The following PLCL1 variants were observed in gnomAD, a reference collection of about 807,000 sequenced individuals.
PLCL1 encodes phospholipase C like 1 (inactive), also known as inactive phospholipase C-like protein 1.
In PLCL1, 41 loss-of-function variants were observed where a neutral mutation model predicts 84.4. The observed-to-expected ratio is 0.49, with a 90% CI of 0.38 to 0.63. The LOEUF (loss-of-function observed/expected upper bound fraction) is 0.63. Among genes scored for constraint, PLCL1 ranks in the 30% least tolerant of loss-of-function variants. The probability of loss-of-function intolerance (pLI) is 0.00; values close to 1 mark genes in which losing one functional copy is unlikely to be tolerated. For missense variants in PLCL1, 1,206 were observed against 1,367.8 expected, an observed-to-expected ratio of 0.88 and a Z score of 1.87; for synonymous variants, 490 against 488.3, an observed-to-expected ratio of 1.00 and a Z score of -0.05.
chr2:198,113,030 G>A (rs556121564), intron 5 of PLCL1, among the ~76,000 whole-genome samples: 3 of 152,026 alleles, frequency 2.0e-5, no homozygotes, highest in African/African-American at 7.2e-5. Flanking sequence ...CTTATAAAGT[G>A]TAGAGTATAC....
intron 1 of PLCL1, among the ~76,000 whole-genome samples, chr2:198,044,865 A>G (rs1403830092): frequency 6.6e-6 from 1 of 152,148 alleles, no homozygotes; most frequent in African/African-American, 2.4e-5. Context: ...ATTGACTTTT[A>G]ATTCTGGTTT....
chr2:197,908,326 T>C (rs1688421604), intron 1 of PLCL1, among the ~76,000 whole-genome samples: 1 of 152,234 alleles, frequency 6.6e-6, no homozygotes, highest in South Asian at 2.1e-4. Context: ...TGCCAGGTGC[T>C]TAACTTTCGC....
intron 1 of PLCL1, among the ~76,000 whole-genome samples, chr2:197,925,786 AAACCTTCC>A (rs1353680295): frequency 7.6e-6 from 1 of 131,078 alleles, no homozygotes; most frequent in Non-Finnish European, 1.6e-5. Flanking sequence ...GCCTCCTGCC[AAACCTTCC>A]CACACCTTTG....
At chr2:198,108,903 G>C (rs1457429689) in intron 5 of PLCL1, among the ~76,000 whole-genome samples, 1 of 151,618 alleles carries the variant, frequency 6.6e-6, no homozygotes, top group Admixed American at 6.6e-5. Context: ...TTTCACTATT[G>C]TACATGAAAT....
intron 1 of PLCL1, among the ~76,000 whole-genome samples, chr2:197,991,189 T>C (rs545984902): frequency 6.6e-6 from 1 of 152,228 alleles, no homozygotes; most frequent in East Asian, 1.9e-4. Context: ...AACTCACCCT[T>C]TCGCTTCGTG....
intron 1 of PLCL1, among the ~76,000 whole-genome samples, chr2:197,833,366 TAGAA>T (rs1374201259): frequency 6.6e-6 from 1 of 152,160 alleles, no homozygotes; most frequent in African/African-American, 2.4e-5. Context: ...GATATTCAAA[TAGAA>T]AGACAGGACA....
In PLCL1 at chr2:197,924,881, A is replaced by T. The variant is rs573647860; in HGVS notation, c.240+119542A>T. ...ATTTAGGGTTTCCATAATATTTGAG[A>T]ATAATCTAGAACTGATCATAGAATA... On this transcript the variant is annotated intron_variant, in intron 1 of 5. Coordinates refer to ENST00000428675, the MANE Select transcript of PLCL1 (RefSeq NM_006226.4). Among the ~76,000 whole-genome samples, 6 of 152,284 alleles carry T rather than the reference A, an allele frequency of 3.9e-5. No homozygotes were observed. In the East Asian group the frequency reaches 7.7e-4, roughly 20 times the overall value.
chr2:197,901,848 C>T (rs1688274516), intron 1 of PLCL1, among the ~76,000 whole-genome samples: 2 of 152,172 alleles, frequency 1.3e-5, no homozygotes, highest in Middle Eastern at 6.8e-3. Context: ...CAGCTTGATA[C>T]AAAAAACTAG....
intron 4 of PLCL1, among the ~76,000 whole-genome samples, chr2:198,103,540 A>AT (rs908664105): frequency 3.3e-5 from 5 of 151,774 alleles, no homozygotes; most frequent in East Asian, 1.9e-4. Context: ...CATTCTTCCT[A>AT]TTTTTTTGTA....
chr2:197,827,782 G>A lies in PLCL1; in HGVS notation c.240+22443G>A, dbSNP rs79106145. 4.7e-3 allele frequency among the ~76,000 whole-genome samples: 714 copies of A among 152,134 alleles called. 20 individuals are homozygous for A. The highest frequency in any genetic ancestry group is 0.037 in the Admixed American group (572 of 15,254). On this transcript the variant is annotated intron_variant, in intron 1 of 5. Transcript: ENST00000428675. ...CATTGTTTTCCAAAGTCCCCCAAAT[G>A]GTCATAGCACTGTTGTTAAGTGTTC...
At chr2:197,816,798 A>T (rs1239411322) in intron 1 of PLCL1, among the ~76,000 whole-genome samples, 1 of 152,182 alleles carries the variant, frequency 6.6e-6, no homozygotes, top group Admixed American at 6.5e-5. Flanking sequence ...GCTTTGAGGC[A>T]GATATAGTGC....
At chr2:197,810,331 C>T (rs1219089261) in intron 1 of PLCL1, 5 of 1,116,266 alleles carry the variant, frequency 4.5e-6, no homozygotes, top group Non-Finnish European at 6.0e-6. Flanking sequence ...AGGTAAAGAG[C>T]TTTGTCTTAC....
rs147559320 is a variant in PLCL1 at position 198,066,750 on chromosome 2, G to C, written c.241-17008G>C. Among the ~76,000 whole-genome samples the C allele has an allele frequency of 3.9e-5, 6 of 152,164 alleles. 1 individual carries two copies. The East Asian group carries it at 1.2e-3, about 29-fold the overall frequency. ...GCATTTGCTGTAGGGGCCTGTGTTAGTGGAGTCTCCTCAGGATCTTCCCGT... is the reference window on the plus strand; with the variant it reads ...GCATTTGCTGTAGGGGCCTGTGTTACTGGAGTCTCCTCAGGATCTTCCCGT... On this transcript the variant is annotated intron_variant, in intron 1 of 5. Transcript: ENST00000428675.
intron 3 of PLCL1, among the ~76,000 whole-genome samples, chr2:198,091,780 A>AG (rs1432455695): frequency 6.6e-6 from 1 of 151,994 alleles, no homozygotes; most frequent in Non-Finnish European, 1.5e-5. Context: ...GATCAAATCA[A>AG]GTCACTTTCC....
intron 3 of PLCL1, 55 bp downstream of exon 3, chr2:198,089,116 A>G (rs1411639429): frequency 1.6e-6 from 2 of 1,262,076 alleles, no homozygotes; most frequent in Non-Finnish European, 2.3e-6. Context: ...GAAATCACAA[A>G]TAGCAGGGAC....
chr2:198,121,445 G>A (rs1016206566), intron 5 of PLCL1, among the ~76,000 whole-genome samples: 1 of 151,986 alleles, frequency 6.6e-6, no homozygotes, highest in African/African-American at 2.4e-5. Flanking sequence ...TTCATAGTTT[G>A]AGGGCTTATA....
At chr2:197,837,064 T>C (rs926155525) in intron 1 of PLCL1, among the ~76,000 whole-genome samples, 2 of 152,102 alleles carry the variant, frequency 1.3e-5, no homozygotes, top group African/African-American at 4.8e-5. Flanking sequence ...AAAATCTAAA[T>C]CATGATTTCT....
At position 198,087,161 on chromosome 2, in the gene PLCL1, A is replaced by G. The variant is rs76601585; in HGVS notation, c.2715+929A>G. 3.2e-3 allele frequency among the ~76,000 whole-genome samples: 490 copies of G among 152,334 alleles called. 1 individual carries two copies. Among genetic ancestry groups the G allele is most frequent in the African/African-American group, 0.011 (464 of 41,586 alleles). ...TCTTGATCAAATCTATCCCTGTGCGATCTTGAACAAATTATTTCAGGTCTC... is the reference window on the plus strand; with the variant it reads ...TCTTGATCAAATCTATCCCTGTGCGGTCTTGAACAAATTATTTCAGGTCTC... On this transcript the variant is annotated intron_variant, in intron 2 of 5. Coordinates refer to ENST00000428675, the MANE Select transcript of PLCL1 (RefSeq NM_006226.4).
At chr2:198,109,859 G>C (rs866283424) in intron 5 of PLCL1, among the ~76,000 whole-genome samples, 2 of 151,638 alleles carry the variant, frequency 1.3e-5, no homozygotes, top group African/African-American at 4.8e-5. Context: ...TTATTACTTT[G>C]TGTTTTTAAA....
Sources: gnomAD v4.1 joint callset for allele counts (sites outside exome capture counted in the v4.1 genomes callset) on GRCh38, gnomAD v4.1.1 for gene constraint, MANE v1.5 for transcripts, NCBI Gene and HGNC (gene_info 2026-07-23, HGNC 2026-07-21) for gene names.